The following DLG2 variants were observed in gnomAD, a reference collection of about 807,000 sequenced individuals.
DLG2 encodes disks large homolog 2.
DLG2 carries 45 observed loss-of-function variants against 132.5 expected under a neutral mutation model. That is an observed-to-expected ratio of 0.34 (90% confidence interval 0.27 to 0.44). The LOEUF is 0.44. Among genes scored for constraint, DLG2 ranks in the 20% least tolerant of loss-of-function variants. The pLI, the probability that DLG2 is intolerant of heterozygous loss-of-function variation, is 1.00. For missense variants in DLG2, 1,045 were observed against 1,196.9 expected (o/e 0.87, Z 1.87); for synonymous variants, 424 against 419.6 (o/e 1.01, Z -0.13).
intron 19 of DLG2, among the ~76,000 whole-genome samples, chr11:83,561,956 T>C (rs1000685963): frequency 2.8e-5 from 4 of 143,452 alleles, no homozygotes; most frequent in Non-Finnish European, 4.5e-5. Context: ...TGGTGTAATC[T>C]TGGCTTACTG....
At chr11:83,610,700 T>C (rs901731625) in intron 19 of DLG2, among the ~76,000 whole-genome samples, 1 of 152,166 alleles carries the variant, frequency 6.6e-6, no homozygotes, top group Non-Finnish European at 1.5e-5. Context: ...TAATAAATAA[T>C]GACTACCATT....
At chr11:84,327,711 C>T (rs940208849) in intron 7 of DLG2, among the ~76,000 whole-genome samples, 1 of 152,128 alleles carries the variant, frequency 6.6e-6, no homozygotes, top group Non-Finnish European at 1.5e-5. Flanking sequence ...TTTTACTCTT[C>T]CCCCCACATA....
intron 15 of DLG2, among the ~76,000 whole-genome samples, chr11:83,929,422 C>T (rs2079708340): frequency 6.6e-6 from 1 of 152,160 alleles, no homozygotes; most frequent in South Asian, 2.1e-4. Context: ...TTGGAACTAC[C>T]TTGTGGAACG....
intron 3 of DLG2, among the ~76,000 whole-genome samples, chr11:85,430,368 GA>G (rs201927875): frequency 0.014 from 2,162 of 151,230 alleles, 51 homozygotes; most frequent in African/African-American, 0.05. Context: ...AAAAGAAAAA[GA>G]AAGAAAAAAA....
At chr11:84,622,300 C>T (rs1244308026) in intron 6 of DLG2, among the ~76,000 whole-genome samples, 4 of 152,168 alleles carry the variant, frequency 2.6e-5, no homozygotes, top group Non-Finnish European at 5.9e-5. Flanking sequence ...TTCCAGTTCA[C>T]CACCAGAAAG....
intron 9 of DLG2, among the ~76,000 whole-genome samples, chr11:84,106,372 G>A (rs1221237863): frequency 2.0e-5 from 3 of 152,056 alleles, no homozygotes; most frequent in African/African-American, 7.2e-5. Context: ...ACAGCCCCAG[G>A]TCTATTACTA....
At chr11:83,979,427 G>A (rs903522374) in intron 12 of DLG2, among the ~76,000 whole-genome samples, 2 of 152,152 alleles carry the variant, frequency 1.3e-5, no homozygotes, top group African/African-American at 4.8e-5. Context: ...TTACTTGAGA[G>A]CTACCTACTA....
At chr11:84,709,958 T>C (rs2060195826) in intron 6 of DLG2, among the ~76,000 whole-genome samples, 1 of 151,994 alleles carries the variant, frequency 6.6e-6, no homozygotes, top group Non-Finnish European at 1.5e-5. Flanking sequence ...ATTGGTTCTC[T>C]TGTCTTCTCA....
intron 6 of DLG2, among the ~76,000 whole-genome samples, chr11:84,547,559 C>G (rs904584328): frequency 2.0e-5 from 3 of 152,168 alleles, no homozygotes; most frequent in Admixed American, 6.5e-5. Flanking sequence ...TTGATGTCTT[C>G]TCTACCTCTC....
chr11:84,322,699 C>G (rs1038172922), intron 7 of DLG2, among the ~76,000 whole-genome samples: 7 of 151,706 alleles, frequency 4.6e-5, no homozygotes, highest in African/African-American at 1.7e-4. Context: ...TGGCAATTCT[C>G]TTGCCTCAGC....
At chr11:85,381,673 A>G (rs1478328256) in intron 3 of DLG2, among the ~76,000 whole-genome samples, 4 of 152,190 alleles carry the variant, frequency 2.6e-5, no homozygotes, top group Admixed American at 2.6e-4. Flanking sequence ...AGGATACAAG[A>G]CTAATACACA....
intron 6 of DLG2, among the ~76,000 whole-genome samples, chr11:84,932,878 G>A (rs993068293): frequency 4.6e-5 from 7 of 152,152 alleles, no homozygotes; most frequent in African/African-American, 1.7e-4. Context: ...TACGTACCCA[G>A]TAATGGGATT....
chr11:84,280,001 T>C (rs905884337), intron 7 of DLG2, among the ~76,000 whole-genome samples: 1 of 152,208 alleles, frequency 6.6e-6, no homozygotes, highest in African/African-American at 2.4e-5. Context: ...TCACCACTTA[T>C]ATTCAACATT....
chr11:83,508,924 A>T (rs1044615824), intron 21 of DLG2, among the ~76,000 whole-genome samples: 2 of 152,252 alleles, frequency 1.3e-5, no homozygotes, highest in South Asian at 4.1e-4. Flanking sequence ...TGCCTAAGCA[A>T]TGTTGGCTGA....
intron 4 of DLG2, among the ~76,000 whole-genome samples, chr11:85,174,829 A>G (rs758295163): frequency 6.6e-6 from 1 of 152,104 alleles, no homozygotes; most frequent in Non-Finnish European, 1.5e-5. Context: ...AGAAAACTAT[A>G]ATAAACACCT....
intron 3 of DLG2, among the ~76,000 whole-genome samples, chr11:85,478,040 T>A (rs953976326): frequency 1.3e-5 from 2 of 151,794 alleles, no homozygotes; most frequent in African/African-American, 4.8e-5. Flanking sequence ...ACAGCTTTCG[T>A]TCTGTCACCT....
intron 6 of DLG2, among the ~76,000 whole-genome samples, chr11:84,807,467 A>C (rs1282916013): frequency 1.3e-5 from 2 of 152,116 alleles, no homozygotes; most frequent in African/African-American, 4.8e-5. Flanking sequence ...AAAACAAAAA[A>C]GCAAAAAAAG....
chr11:85,201,836 G>T (rs2081489670), intron 4 of DLG2, among the ~76,000 whole-genome samples: 1 of 149,324 alleles, frequency 6.7e-6, no homozygotes, highest in South Asian at 2.1e-4. Context: ...GAAGCTCAAT[G>T]AACTTCAAAG....
intron 10 of DLG2, among the ~76,000 whole-genome samples, chr11:84,087,529 G>A (rs1265915413): frequency 6.6e-6 from 1 of 152,096 alleles, no homozygotes; most frequent in Non-Finnish European, 1.5e-5. Flanking sequence ...CCCAATGCCT[G>A]GAACCTGTGA....
Sources: gnomAD v4.1 joint callset for allele counts (sites outside exome capture counted in the v4.1 genomes callset) on GRCh38, gnomAD v4.1.1 for gene constraint, MANE v1.5 for transcripts, NCBI Gene and HGNC (gene_info 2026-07-23, HGNC 2026-07-21) for gene names.